Variants in CDK14 observed in about 807,000 individuals in gnomAD.
CDK14 encodes cyclin dependent kinase 14, also known as cyclin-dependent kinase 14.
Under a neutral mutation model 60.7 loss-of-function variants are expected in CDK14, and 34 were observed. The observed-to-expected ratio is 0.56, with a 90% CI of 0.43 to 0.75. CDK14 has a LOEUF of 0.75. CDK14 is among the 30% of genes least tolerant of loss of function. CDK14 has a pLI of 0.00. For missense variants in CDK14, 482 were observed against 564.1 expected, an observed-to-expected ratio of 0.85 and a Z score of 1.47; for synonymous variants, 197 against 203.7, an observed-to-expected ratio of 0.97 and a Z score of 0.28.
intron 2 of CDK14, among the ~76,000 whole-genome samples, chr7:90,642,554 A>AT (rs1042210480): frequency 6.6e-5 from 10 of 151,820 alleles, no homozygotes; most frequent in Admixed American, 1.3e-4. Flanking sequence ...TTATTTTTTT[A>AT]TTTTTTATAG....
intron 2 of CDK14, among the ~76,000 whole-genome samples, chr7:90,622,234 T>C (rs756829590): frequency 1.3e-5 from 2 of 151,720 alleles, no homozygotes; most frequent in Non-Finnish European, 2.9e-5. Flanking sequence ...ACCGGTCAGA[T>C]GTTGAGTGTT....
chr7:91,141,119 C>T (rs1338473167), intron 14 of CDK14, among the ~76,000 whole-genome samples: 1 of 152,068 alleles, frequency 6.6e-6, no homozygotes, highest in East Asian at 1.9e-4. Flanking sequence ...GAGTGTGTCA[C>T]GTGCAGGGGA....
At chr7:90,728,305 T>C (rs1802715292) in intron 3 of CDK14, among the ~76,000 whole-genome samples, 1 of 152,010 alleles carries the variant, frequency 6.6e-6, no homozygotes, top group South Asian at 2.1e-4. Context: ...ATTTAATTTT[T>C]TGTAATCTTC....
At chr7:90,610,732 A>G (rs1265827565) in intron 2 of CDK14, among the ~76,000 whole-genome samples, 1 of 152,104 alleles carries the variant, frequency 6.6e-6, no homozygotes, top group Non-Finnish European at 1.5e-5. Context: ...ATGGCTGTCT[A>G]TCTAAATTTC....
chr7:90,805,956 C>T lies in CDK14; in HGVS notation c.544+15304C>T, dbSNP rs1788810266. 2.6e-5 allele frequency among the ~76,000 whole-genome samples: 4 copies of T among 152,124 alleles called. No homozygotes were observed. The South Asian group carries it at 8.3e-4, about 31-fold the overall frequency. ...AGTTGTGAAAATAAACATATTGATT[C>T]ACAGCATAGAATGGAAAGTTCAAAA... On this transcript the variant is annotated intron_variant, in intron 5 of 14. Transcript: ENST00000380050.
At chr7:90,838,038 A>G (rs978192861) in intron 5 of CDK14, among the ~76,000 whole-genome samples, 1 of 152,170 alleles carries the variant, frequency 6.6e-6, no homozygotes, top group African/African-American at 2.4e-5. Flanking sequence ...CTCTGCTGCA[A>G]CGGGTATGAC....
At chr7:90,960,746 A>C (rs1794580447) in intron 9 of CDK14, among the ~76,000 whole-genome samples, 1 of 152,140 alleles carries the variant, frequency 6.6e-6, no homozygotes, top group Non-Finnish European at 1.5e-5. Flanking sequence ...AGCCAAGGAA[A>C]TGTATATAAT....
chr7:91,075,957 G>T (rs1584020653), intron 11 of CDK14, among the ~76,000 whole-genome samples: 1 of 151,970 alleles, frequency 6.6e-6, no homozygotes. Flanking sequence ...CACTGCTCAA[G>T]AAAATAAGAG....
intron 1 of CDK14, 27 bp downstream of exon 1, chr7:90,596,745 C>G (rs757413712): frequency 1.3e-6 from 2 of 1,579,710 alleles, no homozygotes; most frequent in Non-Finnish European, 1.7e-6. Context: ...CCCCGGCCCC[C>G]CCAGCGCCCG....
intron 14 of CDK14, among the ~76,000 whole-genome samples, chr7:91,191,552 C>T (rs1198501165): frequency 6.6e-6 from 1 of 151,244 alleles, no homozygotes; most frequent in Non-Finnish European, 1.5e-5. Context: ...AAGTTATGTA[C>T]ATATGTATAT....
intron 6 of CDK14, among the ~76,000 whole-genome samples, chr7:90,868,306 C>T (rs116655990): frequency 0.031 from 4,578 of 149,386 alleles, 233 homozygotes; most frequent in African/African-American, 0.1. Flanking sequence ...TATATATACA[C>T]ACACACACAC....
intron 14 of CDK14, among the ~76,000 whole-genome samples, chr7:91,175,965 G>C (rs1402934729): frequency 1.3e-5 from 2 of 151,898 alleles, no homozygotes; most frequent in African/African-American, 4.8e-5. Context: ...GGACCTAATA[G>C]ACATCTACAG....
At chr7:90,946,590 G>A (rs1418110715) in intron 8 of CDK14, among the ~76,000 whole-genome samples, 2 of 151,870 alleles carry the variant, frequency 1.3e-5, no homozygotes, top group Admixed American at 6.6e-5. Context: ...GATTCATAAG[G>A]GCATTTATTA....
intron 2 of CDK14, among the ~76,000 whole-genome samples, chr7:90,698,847 T>G (rs1801721364): frequency 6.6e-6 from 1 of 152,204 alleles, no homozygotes; most frequent in Non-Finnish European, 1.5e-5. Context: ...CTTTGATACT[T>G]CATTATGTAA....
At chr7:90,974,298 AAC>A (rs1795008465) in intron 9 of CDK14, among the ~76,000 whole-genome samples, 1 of 147,368 alleles carries the variant, frequency 6.8e-6, no homozygotes, top group African/African-American at 2.5e-5. Context: ...ATATTGTTCA[AAC>A]ACACATGTTT....
chr7:90,921,357 A>G (rs969831587), intron 8 of CDK14, among the ~76,000 whole-genome samples: 2 of 151,996 alleles, frequency 1.3e-5, no homozygotes, highest in Non-Finnish European at 2.9e-5. Flanking sequence ...ACCTCTTCAA[A>G]GGGGCCCCCT....
At chr7:90,726,216 A>G in intron 2 of CDK14, 1 of 642,834 alleles carries the variant, frequency 1.6e-6, no homozygotes, top group Non-Finnish European at 1.9e-6. Flanking sequence ...AATTAAGGCT[A>G]GTTACCCAAC....
At chr7:90,816,707 C>T (rs772145318) in intron 5 of CDK14, among the ~76,000 whole-genome samples, 1 of 152,110 alleles carries the variant, frequency 6.6e-6, no homozygotes, top group Non-Finnish European at 1.5e-5. Flanking sequence ...GATAGGACTA[C>T]GTACAGAAAC....
At chr7:91,126,328 C>T (rs1799944054) in intron 14 of CDK14, among the ~76,000 whole-genome samples, 3 of 152,198 alleles carry the variant, frequency 2.0e-5, no homozygotes, top group South Asian at 2.1e-4. Flanking sequence ...TCCTCCCTGG[C>T]GCCATACCAA....
Sources: allele counts gnomAD v4.1 joint callset (sites outside exome capture counted in the v4.1 genomes callset), GRCh38; gene constraint gnomAD v4.1.1; transcripts MANE v1.5; gene names NCBI Gene and HGNC (gene_info 2026-07-23, HGNC 2026-07-21).